Variants in TENM4 observed in about 807,000 individuals in gnomAD.
TENM4 encodes the protein teneurin transmembrane protein 4.
Under a neutral mutation model 243.3 loss-of-function variants are expected in TENM4, and 82 were observed. The observed-to-expected ratio is 0.34, with a 90% CI of 0.28 to 0.40. The LOEUF is 0.40. TENM4 is among the 10% of genes least tolerant of loss of function. TENM4 has a pLI of 1.00. For missense variants in TENM4, 3,138 were observed against 3,673.3 expected, an observed-to-expected ratio of 0.85 and a Z score of 3.77; for synonymous variants, 1,412 against 1,456.3, an observed-to-expected ratio of 0.97 and a Z score of 0.69.
intron 3 of TENM4, among the ~76,000 whole-genome samples, chr11:79,179,967 G>A (rs930530314): frequency 2.0e-5 from 3 of 151,692 alleles, no homozygotes; most frequent in Admixed American, 6.6e-5. Flanking sequence ...CCATGGGACA[G>A]TGAGAAAACG....
intron 29 of TENM4, among the ~76,000 whole-genome samples, chr11:78,684,958 T>C (rs1335940061): frequency 6.6e-6 from 1 of 152,224 alleles, no homozygotes; most frequent in Non-Finnish European, 1.5e-5. Flanking sequence ...AAGATAGTTA[T>C]TAAGCAATAG....
At chr11:79,269,676 C>T (rs983136505) in intron 2 of TENM4, 1 of 152,272 alleles carries the variant, frequency 6.6e-6, no homozygotes, top group Non-Finnish European at 1.5e-5. Context: ...AAAGCAGTGC[C>T]CCTGGCTCCT....
intron 1 of TENM4, among the ~76,000 whole-genome samples, chr11:79,339,969 A>G (rs947755743): frequency 1.3e-5 from 2 of 152,164 alleles, no homozygotes; most frequent in African/African-American, 4.8e-5. Context: ...GTGACAGGTC[A>G]GCAGAGCCAT....
intron 6 of TENM4, among the ~76,000 whole-genome samples, chr11:79,047,003 G>A (rs1450170149): frequency 1.3e-5 from 2 of 152,144 alleles, no homozygotes; most frequent in African/African-American, 4.8e-5. Context: ...CATATTTATG[G>A]AATTTTATGT....
intron 3 of TENM4, among the ~76,000 whole-genome samples, chr11:79,205,065 G>A (rs1156868218): frequency 6.6e-6 from 1 of 152,176 alleles, no homozygotes; most frequent in Non-Finnish European, 1.5e-5. Context: ...AGGAAGGAGA[G>A]GAATGAGATT....
chr11:79,384,805 A>T (rs1001002062), intron 1 of TENM4, among the ~76,000 whole-genome samples: 1 of 151,908 alleles, frequency 6.6e-6, no homozygotes, highest in African/African-American at 2.4e-5. Context: ...AGGTGCCTAT[A>T]ATCCAAGCTA....
At chr11:79,312,927 T>C (rs1856745685) in intron 1 of TENM4, among the ~76,000 whole-genome samples, 1 of 152,238 alleles carries the variant, frequency 6.6e-6, no homozygotes, top group African/African-American at 2.4e-5. Flanking sequence ...AGTAGTAAGC[T>C]GACACGGGAA....
At chr11:78,659,984 TCAA>T (rs1857990371) in intron 33 of TENM4, among the ~76,000 whole-genome samples, 2 of 152,226 alleles carry the variant, frequency 1.3e-5, no homozygotes, top group South Asian at 4.1e-4. Context: ...GCTGGAGTGC[TCAA>T]CAACAAAGAT....
chr11:79,068,605 C>T (rs1336820247), intron 5 of TENM4: 1 of 152,252 alleles, frequency 6.6e-6, no homozygotes, highest in African/African-American at 2.4e-5. Context: ...ATATACATTA[C>T]ATAGCACAGT....
chr11:78,876,958 T>C (rs1027175641), intron 9 of TENM4, among the ~76,000 whole-genome samples: 4 of 152,246 alleles, frequency 2.6e-5, no homozygotes, highest in Non-Finnish European at 5.9e-5. Flanking sequence ...GGTCATCCAC[T>C]GGACTGGGCC....
At chr11:78,770,058 TG>T (rs1226046933) in intron 18 of TENM4, among the ~76,000 whole-genome samples, 1 of 152,254 alleles carries the variant, frequency 6.6e-6, no homozygotes, top group Admixed American at 6.5e-5. Context: ...ATAGACTTGT[TG>T]GGACTAAGCC....
chr11:79,149,072 G>C (rs1862446740), intron 3 of TENM4, among the ~76,000 whole-genome samples: 1 of 152,164 alleles, frequency 6.6e-6, no homozygotes, highest in Admixed American at 6.6e-5. Flanking sequence ...GGATGGCTGA[G>C]AAAATGAGTG....
intron 10 of TENM4, among the ~76,000 whole-genome samples, chr11:78,857,636 T>C (rs957727072): frequency 2.0e-5 from 3 of 152,212 alleles, no homozygotes; most frequent in South Asian, 2.1e-4. Context: ...ATGTGCACTA[T>C]CAATAAAAGT....
chr11:78,815,780 CAACAA>C (rs751570382), intron 12 of TENM4, among the ~76,000 whole-genome samples: 1 of 152,096 alleles, frequency 6.6e-6, no homozygotes, highest in Non-Finnish European at 1.5e-5. Flanking sequence ...TCCTATTTTA[CAACAA>C]AACAAAACAA....
intron 6 of TENM4, among the ~76,000 whole-genome samples, chr11:79,030,604 T>C (rs1859203299): frequency 6.6e-6 from 1 of 152,024 alleles, no homozygotes; most frequent in Admixed American, 6.6e-5. Context: ...AGAAATTTCC[T>C]CGAGCTGCAT....
At chr11:79,335,683 C>T (rs1422900797) in intron 1 of TENM4, among the ~76,000 whole-genome samples, 1 of 152,176 alleles carries the variant, frequency 6.6e-6, no homozygotes, top group African/African-American at 2.4e-5. Flanking sequence ...CCACCTCAGT[C>T]TTTCACATAA....
rs774887477 is a variant in TENM4 at position 78,950,583 on chromosome 11, T to C, written c.494-47060A>G. Among the ~76,000 whole-genome samples the C allele has an allele frequency of 3.9e-5, 6 of 152,218 alleles. No homozygotes were observed. In the East Asian group the frequency reaches 9.6e-4, roughly 24 times the overall value. On this transcript the variant is annotated intron_variant, in intron 6 of 33. Transcript: ENST00000278550. ...TATCTCTGTGACCTTGGGCAAGTTATTGTATCTTTCTTAGGCTCTGTTGAG... is the reference window on the plus strand; with the variant it reads ...TATCTCTGTGACCTTGGGCAAGTTACTGTATCTTTCTTAGGCTCTGTTGAG...
chr11:78,953,789 C>T (rs1857154749), intron 6 of TENM4, among the ~76,000 whole-genome samples: 1 of 152,070 alleles, frequency 6.6e-6, no homozygotes, highest in Non-Finnish European at 1.5e-5. Flanking sequence ...CTGGAGGTTG[C>T]TGTTGCGGGG....
intron 6 of TENM4, among the ~76,000 whole-genome samples, chr11:78,952,903 G>C (rs570985136): frequency 2.6e-5 from 4 of 152,300 alleles, no homozygotes; most frequent in Admixed American, 2.0e-4. Flanking sequence ...TTCACATCAG[G>C]TATGCATTCC....
Sources: allele counts gnomAD v4.1 joint callset (sites outside exome capture counted in the v4.1 genomes callset), GRCh38; gene constraint gnomAD v4.1.1; transcripts MANE v1.5; gene names NCBI Gene and HGNC (gene_info 2026-07-23, HGNC 2026-07-21).